TOP1: variants seen among roughly 807,000 people sequenced by gnomAD.
The protein encoded by TOP1 is DNA topoisomerase 1.
A neutral mutation model predicts 111.1 loss-of-function variants in TOP1; 10 were observed. The ratio of observed to expected loss-of-function variants is 0.09; its 90% CI spans 0.06 to 0.15. TOP1 has a LOEUF of 0.15. TOP1 is among the 10% of genes least tolerant of loss of function. TOP1 has a pLI of 1.00. For missense variants in TOP1, 474 were observed against 926.7 expected (o/e 0.51, Z 6.34); for synonymous variants, 271 against 302.9 (o/e 0.89, Z 1.10).
chr20:41,040,185 G>T (rs1300933120), intron 2 of TOP1, among the ~76,000 whole-genome samples: 1 of 152,186 alleles, frequency 6.6e-6, no homozygotes, highest in South Asian at 2.1e-4. Flanking sequence ...CCTAATCCAT[G>T]AAGTATCTTG....
In TOP1 at chr20:41,030,475, C is replaced by CT. The variant is rs61582714; in HGVS notation, c.58+1033dup. 2.6e-3 allele frequency among the ~76,000 whole-genome samples: 362 copies of CT among 141,218 alleles called. 1 individual carries two copies. Among genetic ancestry groups the CT allele is most frequent in the African/African-American group, 3.7e-3 (142 of 38,774 alleles). The allele number at this position is 141,218 out of a possible 152,430, so 92.6% of individuals were successfully genotyped here. ...CTGTTTTTCAGGAATCAAGAACTGG[C>CT]TTTTTTTTTTTTTCCCAATTCTTTA... On this transcript the variant is annotated intron_variant, in intron 2 of 20. Transcript: ENST00000361337. The surrounding 1 kb of genome is among the most constrained non-coding windows in gnomAD (Gnocchi z 4.1).
chr20:41,117,412 G>T (rs2145969383), intron 17 of TOP1, among the ~76,000 whole-genome samples: 1 of 133,126 alleles, frequency 7.5e-6, no homozygotes, highest in South Asian at 2.5e-4. Context: ...TTTTGAGACG[G>T]AGTCTTGCTG....
Position 41,069,522 on chromosome 20 carries a change from C to T in TOP1, c.156-6649C>T, listed in dbSNP as rs1368063515. Among the ~76,000 whole-genome samples, 5 of 152,278 alleles carry T rather than the reference C, an allele frequency of 3.3e-5. No homozygotes were observed. Among genetic ancestry groups the T allele is most frequent in the Admixed American group, 2.0e-4 (3 of 15,284 alleles). ...CAAGGTGCTTAACTTCTCTGGGTCT[C>T]ATTTTCTGTTTTGGTCAAGGGTTGA... On this transcript the variant is annotated intron_variant, in intron 3 of 20. Transcript: ENST00000361337. This position sits in a 1 kb window ranked among gnomAD's most constrained non-coding sequence, Gnocchi z 4.1.
Position 41,092,624 on chromosome 20 carries a change from A to G in TOP1, c.730+37A>G. 1 of 1,013,802 alleles carries G rather than the reference A, an allele frequency of 9.9e-7. No homozygotes were observed. Among genetic ancestry groups the G allele is most frequent in the Non-Finnish European group, 1.5e-6 (1 of 666,538 alleles). The allele number at this position is 1,013,802 out of a possible 1,614,324, so 62.8% of individuals were successfully genotyped here. A position where few individuals can be genotyped will look rare whatever the true frequency, so the allele number is the denominator to read the frequency against. On this transcript the variant is annotated intron_variant, in intron 9 of 20. Transcript: ENST00000361337. This position sits in a 1 kb window ranked among gnomAD's most constrained non-coding sequence, Gnocchi z 4.3. Reference sequence around the variant, plus strand: ...CAAGGTTCTTGATTCTTGGCCAGGAAAAGAAATCTGCTTCTATTTAGGGAT... The same window carrying G: ...CAAGGTTCTTGATTCTTGGCCAGGAGAAGAAATCTGCTTCTATTTAGGGAT...
Position 41,076,171 on chromosome 20 carries a change from T to C in TOP1, c.156T>C (p.Ser52=). The C allele has an allele frequency of 6.2e-7, 1 of 1,606,630 alleles. No homozygotes were observed. Among genetic ancestry groups the C allele is most frequent in the African/African-American group, 1.3e-5 (1 of 74,276 alleles). The change falls in exon 4 of 21, where the codon AGT becomes AGC. Residue 52 remains serine (S), a splice_region_variant and synonymous_variant. Transcript: ENST00000361337. ...CGCTTTGTGACTTAACTTTTTACAG[T>C]GAACATAAAGATTCTGAAAAGAAAC... The part of the protein sequence containing the change: ...KDREKSKHSN[S]EHKDSEKKHK...
intron 2 of TOP1, among the ~76,000 whole-genome samples, chr20:41,055,380 T>C (rs2033457789): frequency 1.3e-5 from 2 of 152,254 alleles, no homozygotes; most frequent in Non-Finnish European, 2.9e-5. Flanking sequence ...GGAAAAGGTA[T>C]GTGCTGAAAG....
intron 8 of TOP1, among the ~76,000 whole-genome samples, chr20:41,090,222 G>A (rs1391833390): frequency 3.3e-5 from 5 of 151,674 alleles, no homozygotes; most frequent in South Asian, 2.1e-4. Flanking sequence ...TGATCCCTCC[G>A]CCCGCTTTGG....
chr20:41,115,561 C>T lies in TOP1; in HGVS notation c.1707+122C>T, dbSNP rs1371039402. 3.0e-6 allele frequency: 2 copies of T among 672,308 alleles called. No homozygotes were observed. The allele number at this position is 672,308 out of a possible 1,614,324, so 41.6% of individuals were successfully genotyped here. On this transcript the variant is annotated intron_variant, in intron 16 of 20. Coordinates refer to ENST00000361337, the MANE Select transcript of TOP1 (RefSeq NM_003286.4). The surrounding 1 kb of genome is among the most constrained non-coding windows in gnomAD (Gnocchi z 6.3). ...TTTAGCCTGGCCTGCTCTGTGGCAT[C>T]CCATACACTCTCTCTTCCTCCCTCT...
chr20:41,099,960 T>C (rs1374847582), intron 11 of TOP1, 96 bp from the exon 12 acceptor site: 7 of 787,406 alleles, frequency 8.9e-6, no homozygotes, highest in Admixed American at 6.0e-5. Context: ...TTTCAGACTT[T>C]CCTCTACCTT....
chr20:41,041,982 T>C (rs2033272621), intron 2 of TOP1, among the ~76,000 whole-genome samples: 2 of 152,092 alleles, frequency 1.3e-5, no homozygotes, highest in Non-Finnish European at 2.9e-5. Context: ...GATCTGGGCT[T>C]GCTGCAACCC....
chr20:41,090,526 A>G (rs1455186612), intron 8 of TOP1, among the ~76,000 whole-genome samples: 5 of 151,866 alleles, frequency 3.3e-5, no homozygotes, highest in Non-Finnish European at 7.4e-5. Flanking sequence ...TTATTGAGAC[A>G]GAGTGTCTCT....
Position 41,114,183 on chromosome 20 carries a change from C to T in TOP1, c.1638+28C>T. The T allele has an allele frequency of 1.3e-6, 2 of 1,577,868 alleles. No homozygotes were observed. The highest frequency in any genetic ancestry group is 1.7e-6 in the Non-Finnish European group (2 of 1,155,258). ...AAGTTAATGTACCTGTACTGTCTGA[C>T]TTGTTTTCCATTATTCAACAAGCAT... On this transcript the variant is annotated intron_variant, in intron 15 of 20. Transcript: ENST00000361337. This position sits in a 1 kb window ranked among gnomAD's most constrained non-coding sequence, Gnocchi z 4.5.
chr20:41,032,245 C>T lies in TOP1; in HGVS notation c.58+2790C>T, dbSNP rs966633727. Among the ~76,000 whole-genome samples, 7 of 152,064 alleles carry T rather than the reference C, an allele frequency of 4.6e-5. No homozygotes were observed. The highest frequency in any genetic ancestry group is 1.7e-4 in the African/African-American group (7 of 41,384). Reference sequence around the variant, plus strand: ...CCCTAAGATATAAAAGATTCCCCCCCGTCCCCCCACTTTGGAGCTCATTCT... The same window carrying T: ...CCCTAAGATATAAAAGATTCCCCCCTGTCCCCCCACTTTGGAGCTCATTCT... On this transcript the variant is annotated intron_variant, in intron 2 of 20. Transcript: ENST00000361337. The surrounding 1 kb of genome is among the most constrained non-coding windows in gnomAD (Gnocchi z 4.3).
chr20:41,090,597 GGTT>G (rs2033908325), intron 8 of TOP1, among the ~76,000 whole-genome samples: 1 of 152,088 alleles, frequency 6.6e-6, no homozygotes, highest in South Asian at 2.1e-4. Flanking sequence ...TCACCTCCCA[GGTT>G]CAAACGATTC....
At chr20:41,072,649 G>A (rs759341807) in intron 3 of TOP1, 38 of 985,286 alleles carry the variant, frequency 3.9e-5, no homozygotes, top group South Asian at 9.4e-5. Context: ...CACTCCTGCC[G>A]GTTTGGGGGT....
In TOP1 at chr20:41,095,821, A is replaced by T. The variant is rs750055956; in HGVS notation, c.731-1399A>T. On this transcript the variant is annotated intron_variant, in intron 9 of 20. Transcript: ENST00000361337. This position sits in a 1 kb window ranked among gnomAD's most constrained non-coding sequence, Gnocchi z 4.6. ...TTATAGTTAACCTCATTTTAAGTATAGCCAAATGCTCTTAGTATAGCATGG... is the reference window on the plus strand; with the variant it reads ...TTATAGTTAACCTCATTTTAAGTATTGCCAAATGCTCTTAGTATAGCATGG... Among the ~76,000 whole-genome samples, 7 of 152,262 alleles carry T rather than the reference A, an allele frequency of 4.6e-5. No individual in the cohort carries two copies. Among genetic ancestry groups the T allele is most frequent in the Non-Finnish European group, 8.8e-5 (6 of 68,042 alleles).
At position 41,116,216 on chromosome 20, in the gene TOP1, G is replaced by T; in HGVS notation, c.1708-62G>T. The T allele has an allele frequency of 3.7e-6, 4 of 1,080,908 alleles. No individual in the cohort carries two copies. Among genetic ancestry groups the T allele is most frequent in the Non-Finnish European group, 5.7e-6 (4 of 705,922 alleles). 67.0% of individuals were successfully genotyped at this position (1,080,908 alleles called of 1,614,324 possible). A position where few individuals can be genotyped will look rare whatever the true frequency, so the allele number is the denominator to read the frequency against. ...ACTGCACTGGCATAAATTACTCCTA[G>T]GGCTGCCAGAAGGAGCAGGTAGTAT... is the stretch of plus-strand genomic sequence containing the variant. On this transcript the variant is annotated intron_variant, in intron 16 of 20. Coordinates refer to ENST00000361337, the MANE Select transcript of TOP1 (RefSeq NM_003286.4). This position sits in a 1 kb window ranked among gnomAD's most constrained non-coding sequence, Gnocchi z 5.6.
At position 41,112,914 on chromosome 20, in the gene TOP1, T is replaced by C; in HGVS notation, c.1441T>C (p.Phe481Leu). The C allele has an allele frequency of 6.2e-7, 1 of 1,614,014 alleles. No individual in the cohort carries two copies. Among genetic ancestry groups the C allele is most frequent in the Non-Finnish European group, 8.5e-7 (1 of 1,179,928 alleles). Residue 481 changes from phenylalanine to leucine, a missense_variant, in exon 14 of 21, where the codon TTC (phenylalanine) becomes CTC (leucine). Transcript: ENST00000361337. The surrounding 1 kb of genome is among the most constrained non-coding windows in gnomAD (Gnocchi z 5.8). ...CCGGCAGAGAGCTGTAGCCCTGTAC[T>C]TCATCGACAAGGTGAGAGCATCTTC... ...KVRQRAVALY[F>L]IDKLALRAGN...
At chr20:41,113,879 C>CAAA (rs552197714) in intron 14 of TOP1, 91 bp from the exon 15 acceptor site, 1,385 of 660,154 alleles carry the variant, frequency 2.1e-3, no homozygotes, top group African/African-American at 4.9e-3. Flanking sequence ...GAGACTGTCT[C>CAAA]AAAAAAAAAA....
Sources: allele counts gnomAD v4.1 joint callset (sites outside exome capture counted in the v4.1 genomes callset), GRCh38; gene constraint gnomAD v4.1.1; non-coding constraint Gnocchi (gnomAD v3.1); transcripts MANE v1.5; gene names NCBI Gene and HGNC (gene_info 2026-07-23, HGNC 2026-07-21).